The following ESF1 variants were observed in gnomAD, a reference collection of about 807,000 sequenced individuals.
ESF1 encodes ESF1 homolog.
Under a neutral mutation model 92.0 loss-of-function variants are expected in ESF1, and 58 were observed. The observed-to-expected ratio is 0.63, with a 90% CI of 0.51 to 0.78. ESF1 has a LOEUF of 0.78. ESF1 is among the 30% of genes least tolerant of loss of function. The probability of loss-of-function intolerance (pLI) is 0.00; values close to 1 mark genes in which losing one functional copy is unlikely to be tolerated. For synonymous variants in ESF1, 321 were observed against 313.7 expected, an observed-to-expected ratio of 1.02 and a Z score of -0.24; for missense variants, 922 against 989.1, an observed-to-expected ratio of 0.93 and a Z score of 0.91.
At chr20:13,783,778 C>T (rs34068164) in intron 1 of ESF1, among the ~76,000 whole-genome samples, 11,061 of 152,218 alleles carry the variant, frequency 0.073, 437 homozygotes, top group Non-Finnish European at 0.087. Context: ...GGCACTACAG[C>T]ACACCAGCTG....
At chr20:13,753,929 C>A (rs906919564) in intron 9 of ESF1, among the ~76,000 whole-genome samples, 1 of 152,220 alleles carries the variant, frequency 6.6e-6, no homozygotes, top group African/African-American at 2.4e-5. Context: ...ATAAGTTAAT[C>A]TCTCTAGTAG....
chr20:13,733,868 C>T, intron 9 of ESF1, 26 bp from the exon 10 acceptor site: 1 of 1,578,500 alleles, frequency 6.3e-7, no homozygotes, highest in Non-Finnish European at 8.6e-7. Flanking sequence ...AATAGTTTAG[C>T]TTAAAATGTC....
At chr20:13,748,592 A>ATATATTTTT (rs1331098586) in intron 9 of ESF1, among the ~76,000 whole-genome samples, 11 of 95,740 alleles carry the variant, frequency 1.1e-4, no homozygotes, top group African/African-American at 5.8e-4. Context: ...ATATATATAT[A>ATATATTTTT]TTTTTTTTTT....
At position 13,782,736 on chromosome 20, in the gene ESF1, T is replaced by C; in HGVS notation, c.405A>G (p.Ile135Met). ...ATGAGGTTTTCATTTTTTTAATTCC[T>C]ATAGAATTATCTAAATCAGTTTTAT... The part of the protein sequence containing the change: ...SENKTDLDNS[I>M]GIKKMKTSCK... Residue 135 changes from isoleucine (I) to methionine (M), a missense_variant, in exon 2 of 14, where the codon ATA (isoleucine) becomes ATG (methionine). Transcript: ENST00000617257. The C allele has an allele frequency of 6.3e-7, 1 of 1,592,488 alleles. No individual in the cohort carries two copies. The highest frequency in any genetic ancestry group is 8.5e-7 in the Non-Finnish European group (1 of 1,173,616).
At chr20:13,755,888 TCAAAC>T (rs939329914) in intron 9 of ESF1, among the ~76,000 whole-genome samples, 8 of 152,122 alleles carry the variant, frequency 5.3e-5, no homozygotes, top group African/African-American at 1.9e-4. Context: ...TTCTGAAAAA[TCAAAC>T]CAAACCACAA....
intron 9 of ESF1, among the ~76,000 whole-genome samples, chr20:13,744,823 C>T (rs191380046): frequency 1.3e-5 from 2 of 152,292 alleles, no homozygotes; most frequent in East Asian, 3.9e-4. Context: ...CTTCCTATTC[C>T]CCATGTAGGC....
intron 11 of ESF1, 79 bp from the exon 12 acceptor site, chr20:13,719,063 T>G (rs1425822102): frequency 5.6e-6 from 5 of 898,442 alleles, no homozygotes; most frequent in Middle Eastern, 2.4e-4. Context: ...GGAACAAAAA[T>G]ATAAGATATC....
rs1296516399 is a variant in ESF1 at position 13,715,074 on chromosome 20, T to C, written c.2356A>G (p.Met786Val). The C allele has an allele frequency of 1.2e-6, 2 of 1,614,016 alleles. No individual in the cohort carries two copies. Among genetic ancestry groups the C allele is most frequent in the Non-Finnish European group, 1.7e-6 (2 of 1,179,998 alleles). Residue 786 changes from methionine to valine, a missense_variant, in exon 14 of 14, where the codon ATG (methionine) becomes GTG (valine). By Grantham distance (21) the Met-to-Val change is conservative (BLOSUM62 1). Transcript: ENST00000617257. ...SDPNFKKTKA[M>V]EKILEEKARQ... ...GCCTTCTCCTCAAGGATTTTTTCCA[T>C]AGCTTTTGTTTTCTTGAAATTGGGA...
chr20:13,770,180 GAATTC>G (rs1381697574), intron 6 of ESF1, among the ~76,000 whole-genome samples, 159 bp from the exon 7 acceptor site: 1 of 152,158 alleles, frequency 6.6e-6, no homozygotes, highest in African/African-American at 2.4e-5. Flanking sequence ...ATTTCTGAAT[GAATTC>G]ATCTTTGTAT....
chr20:13,766,557 T>C (rs1239627153), intron 8 of ESF1, among the ~76,000 whole-genome samples: 1 of 152,214 alleles, frequency 6.6e-6, no homozygotes, highest in Non-Finnish European at 1.5e-5. Context: ...TTAGGACAAG[T>C]CTAGAAGGCC....
chr20:13,714,810 C>T lies in ESF1; in HGVS notation c.*64G>A. On this transcript the variant is annotated 3_prime_UTR_variant, in exon 14 of 14. Transcript: ENST00000617257. ...ATAGCTTTGTTCCCAATAAATATTC[C>T]CTCCTATTATTTTTGTACATTTTAG... 18 of 1,274,802 alleles carry T rather than the reference C, an allele frequency of 1.4e-5. No individual in the cohort carries two copies. Among genetic ancestry groups the T allele is most frequent in the South Asian group, 4.8e-5 (3 of 62,606 alleles). The allele number at this position is 1,274,802 out of a possible 1,614,324, so 79.0% of individuals were successfully genotyped here.
chr20:13,733,757 C>A lies in ESF1; in HGVS notation c.1914G>T (p.Lys638Asn), dbSNP rs776934429. Residue 638 changes from lysine to asparagine, a missense_variant, in exon 10 of 14, where the codon AAG (lysine) becomes AAT (asparagine). Coordinates refer to ENST00000617257, the MANE Select transcript of ESF1 (RefSeq NM_001276380.2). ...TTTTCAGTCTTTTTTTCTCTTTCTT[C>A]TTCTCTAAAAATTGTTCCCAAGGGG... ...KLTPWEQFLE[K>N]KKEKKRLKRK... The A allele has an allele frequency of 4.2e-5, 67 of 1,612,334 alleles. No individual in the cohort carries two copies. Among genetic ancestry groups the A allele is most frequent in the Non-Finnish European group, 5.4e-5 (64 of 1,179,602 alleles).
intron 9 of ESF1, among the ~76,000 whole-genome samples, chr20:13,746,494 G>A (rs2050049315): frequency 6.6e-6 from 1 of 152,098 alleles, no homozygotes; most frequent in Admixed American, 6.5e-5. Flanking sequence ...TTCTGACTTT[G>A]AGGCCTCTAT....
chr20:13,743,037 C>A (rs898667745), intron 9 of ESF1, among the ~76,000 whole-genome samples: 1 of 152,148 alleles, frequency 6.6e-6, no homozygotes, highest in African/African-American at 2.4e-5. Context: ...TGTATCAGCA[C>A]TTCATTCCTT....
At chr20:13,764,817 G>A (rs767867040) in intron 8 of ESF1, among the ~76,000 whole-genome samples, 10 of 151,776 alleles carry the variant, frequency 6.6e-5, no homozygotes, top group South Asian at 4.1e-4. Flanking sequence ...GGTGGCAAAC[G>A]CAGAAGAAAA....
intron 11 of ESF1, among the ~76,000 whole-genome samples, chr20:13,727,701 G>A (rs1354741842): frequency 6.6e-6 from 1 of 152,130 alleles, no homozygotes; most frequent in Non-Finnish European, 1.5e-5. Flanking sequence ...AGGAAAGAAA[G>A]AATGAGTAGT....
At chr20:13,740,660 T>C (rs1256007586) in intron 9 of ESF1, among the ~76,000 whole-genome samples, 1 of 152,208 alleles carries the variant, frequency 6.6e-6, no homozygotes, top group African/African-American at 2.4e-5. Context: ...GTATTTTGGG[T>C]ATTTAATTCC....
chr20:13,749,449 T>G (rs1389373487), intron 9 of ESF1, among the ~76,000 whole-genome samples: 1 of 152,084 alleles, frequency 6.6e-6, no homozygotes, highest in African/African-American at 2.4e-5. Flanking sequence ...GGGAACTCAG[T>G]GGTTACTTAT....
intron 2 of ESF1, among the ~76,000 whole-genome samples, chr20:13,779,268 T>A (rs1980078025): frequency 6.6e-6 from 1 of 151,820 alleles, no homozygotes; most frequent in South Asian, 2.1e-4. Flanking sequence ...ATTATAAACA[T>A]AATGAATGAT....
Sources: allele counts gnomAD v4.1 joint callset (sites outside exome capture counted in the v4.1 genomes callset), GRCh38; gene constraint gnomAD v4.1.1; transcripts MANE v1.5; gene names NCBI Gene and HGNC (gene_info 2026-07-23, HGNC 2026-07-21).